EGFR: variants seen among roughly 807,000 people sequenced by gnomAD.
EGFR encodes the protein epidermal growth factor receptor, also known as avian erythroblastic leukemia viral (v-erb-b) oncogene homolog.
A neutral mutation model predicts 143.0 loss-of-function variants in EGFR; 58 were observed. That is an observed-to-expected ratio of 0.41 (90% CI 0.33 to 0.50). EGFR has a LOEUF of 0.50. EGFR is among the 20% of genes least tolerant of loss of function. The pLI, the probability that EGFR is intolerant of heterozygous loss-of-function variation, is 0.39. For missense variants in EGFR, 1,307 were observed against 1,579.0 expected, an observed-to-expected ratio of 0.83 and a Z score of 2.92; for synonymous variants, 613 against 594.4, an observed-to-expected ratio of 1.03 and a Z score of -0.45.
At position 55,160,157 on chromosome 7, in the gene EGFR, A is replaced by G. The variant is rs17290005; in HGVS notation, c.1317A>G (p.Ala439=). ...AATGTAGTGGTCAGTTTTCTCTTGC[A>G]GTCGTCAGCCTGAACATAACATCCT... ...RTKQHGQFSL[A]VVSLNITSLG... Residue 439 remains alanine, a synonymous_variant, in exon 12 of 28, where the codon GCA becomes GCG. Coordinates refer to ENST00000275493, the MANE Select transcript of EGFR (RefSeq NM_005228.5). The G allele has an allele frequency of 1.6e-3, 2,546 of 1,614,190 alleles. 48 individuals carry two copies. The African/African-American group carries it at 0.029, about 18-fold the overall frequency.
intron 1 of EGFR, among the ~76,000 whole-genome samples, chr7:55,027,154 G>A (rs1393639077): frequency 6.6e-6 from 1 of 152,168 alleles, no homozygotes; most frequent in Non-Finnish European, 1.5e-5. Flanking sequence ...TCTGAGGACC[G>A]ACTTACCTTT....
chr7:55,158,128 C>T (rs1013989984), intron 11 of EGFR, among the ~76,000 whole-genome samples: 8 of 152,206 alleles, frequency 5.3e-5, no homozygotes, highest in South Asian at 2.1e-4. Context: ...CACTGTCTAA[C>T]CATGTCTGTT....
At chr7:55,154,277 A>G in intron 7 of EGFR, 125 bp downstream of exon 7, 1 of 1,464,730 alleles carries the variant, frequency 6.8e-7, no homozygotes, top group Non-Finnish European at 9.3e-7. Flanking sequence ...TGCTTGGAGG[A>G]GGCGACCCTG....
intron 1 of EGFR, among the ~76,000 whole-genome samples, chr7:55,085,986 A>G (rs1420791363): frequency 1.3e-5 from 2 of 152,110 alleles, no homozygotes; most frequent in Admixed American, 1.3e-4. Flanking sequence ...ACCCCCTAGA[A>G]GCCCCTCTTC....
intron 15 of EGFR, among the ~76,000 whole-genome samples, chr7:55,168,199 T>C (rs903672100): frequency 6.6e-6 from 1 of 152,250 alleles, no homozygotes; most frequent in Non-Finnish European, 1.5e-5. Context: ...AATCTATTTC[T>C]ATAAGCAATT....
chr7:55,194,061 C>T (rs1251632702), intron 22 of EGFR, among the ~76,000 whole-genome samples: 1 of 152,044 alleles, frequency 6.6e-6, no homozygotes, highest in Non-Finnish European at 1.5e-5. Context: ...GAATGTATCT[C>T]CTCTCCACGA....
At chr7:55,186,037 C>T (rs1004484647) in intron 20 of EGFR, among the ~76,000 whole-genome samples, 13 of 152,162 alleles carry the variant, frequency 8.5e-5, no homozygotes, top group Non-Finnish European at 1.5e-4. Flanking sequence ...CGGGCTATCC[C>T]GTCCACACCG....
chr7:55,078,110 C>G (rs537205083), intron 1 of EGFR, among the ~76,000 whole-genome samples: 1 of 152,236 alleles, frequency 6.6e-6, no homozygotes, highest in African/African-American at 2.4e-5. Flanking sequence ...GGGCACTGTG[C>G]AGGGTTTGCT....
intron 15 of EGFR, chr7:55,166,281 A>G: frequency 1.7e-6 from 1 of 572,282 alleles, no homozygotes; most frequent in Non-Finnish European, 3.4e-6. Flanking sequence ...TCAGAAAGAG[A>G]AGTTGAGCTG....
chr7:55,197,968 G>A (rs1787688414), intron 22 of EGFR, among the ~76,000 whole-genome samples: 2 of 152,156 alleles, frequency 1.3e-5, no homozygotes, highest in South Asian at 2.1e-4. Context: ...TTCTTTTTTT[G>A]TTGTATCTCT....
At chr7:55,160,530 A>G (rs1785646890) in intron 12 of EGFR, among the ~76,000 whole-genome samples, 192 bp downstream of exon 12, 1 of 152,244 alleles carries the variant, frequency 6.6e-6, no homozygotes, top group African/African-American at 2.4e-5. Context: ...GATCATTACC[A>G]TTCAATGGGA....
rs1788215838 is a variant in EGFR, at chr7:55,210,616, T to C, written c.*4999T>C. Reference sequence around the variant, plus strand: ...TATGTGATTCTCAGGCCTAGAGAGCTAAGACACAAAGACCTCCACATCTGT... The same window carrying C: ...TATGTGATTCTCAGGCCTAGAGAGCCAAGACACAAAGACCTCCACATCTGT... On this transcript the variant is annotated 3_prime_UTR_variant, in exon 28 of 28. Coordinates refer to ENST00000275493, the MANE Select transcript of EGFR (RefSeq NM_005228.5). The C allele has an allele frequency of 6.6e-6, 1 of 152,168 alleles. No homozygotes were observed. Among genetic ancestry groups the C allele is most frequent in the Non-Finnish European group, 1.5e-5 (1 of 68,032 alleles). 9.4% of individuals were successfully genotyped at this position (152,168 alleles called of 1,614,324 possible).
chr7:55,156,013 C>T (rs1156764840), intron 8 of EGFR, 67 bp downstream of exon 8: 1 of 1,078,038 alleles, frequency 9.3e-7, no homozygotes, highest in Non-Finnish European at 1.4e-6. Context: ...CTCATGCCAC[C>T]TCCAAAGGAA....
At chr7:55,039,776 G>A (rs7784002) in intron 1 of EGFR, among the ~76,000 whole-genome samples, 5,092 of 152,270 alleles carry the variant, frequency 0.033, 190 homozygotes, top group African/African-American at 0.092. Context: ...AAAGCAGTCC[G>A]TGAACTGAAC....
intron 22 of EGFR, among the ~76,000 whole-genome samples, chr7:55,196,341 G>A (rs1179062832): frequency 2.0e-5 from 3 of 151,836 alleles, no homozygotes; most frequent in African/African-American, 7.3e-5. Flanking sequence ...GTCTGCTCAT[G>A]TCCTTTGCCC....
intron 19 of EGFR, 43 bp from the exon 20 acceptor site, chr7:55,181,250 C>A (rs770006090): frequency 6.2e-6 from 10 of 1,610,744 alleles, no homozygotes; most frequent in Non-Finnish European, 8.5e-6. Flanking sequence ...CTCCTTCTGG[C>A]CACCATGCGA....
In EGFR at chr7:55,157,673, G is replaced by C. The variant is rs1785497346; in HGVS notation, c.1218G>C (p.Leu406=). The change falls in exon 11 of 28, where the codon CTG becomes CTC. Residue 406 remains leucine (L), a synonymous_variant. Transcript: ENST00000275493. ...TCATCTGCCTTACAGGGTTTTTGCT[G>C]ATTCAGGCTTGGCCTGAAAACAGGA... The part of the protein sequence containing the change: ...KTVKEITGFL[L]IQAWPENRTD... 1 of 1,614,212 alleles carries C rather than the reference G, an allele frequency of 6.2e-7. No homozygotes were observed. The highest frequency in any genetic ancestry group is 1.7e-5 in the Admixed American group (1 of 60,028).
At chr7:55,105,990 G>C (rs1465332387) in intron 1 of EGFR, among the ~76,000 whole-genome samples, 1 of 152,204 alleles carries the variant, frequency 6.6e-6, no homozygotes, top group Non-Finnish European at 1.5e-5. Flanking sequence ...GACACACATA[G>C]ATTTCTGTGT....
chr7:55,023,685 A>G (rs1223278352), intron 1 of EGFR, among the ~76,000 whole-genome samples: 1 of 149,298 alleles, frequency 6.7e-6, no homozygotes, highest in African/African-American at 2.5e-5. Flanking sequence ...TCTGTTCCTC[A>G]GATCCATTCC....
Sources: allele counts gnomAD v4.1 joint callset (sites outside exome capture counted in the v4.1 genomes callset), GRCh38; gene constraint gnomAD v4.1.1; transcripts MANE v1.5; gene names NCBI Gene and HGNC (gene_info 2026-07-23, HGNC 2026-07-21).